The following LDB2 variants were observed in gnomAD, a reference collection of about 807,000 sequenced individuals.
LDB2 encodes the protein LIM domain binding 2, also known as LIM domain-binding protein 2.
In LDB2, 12 loss-of-function variants were observed where a neutral mutation model predicts 44.3. That is an observed-to-expected ratio of 0.27 (90% CI 0.17 to 0.44). The LOEUF (loss-of-function observed/expected upper bound fraction) is 0.44. LDB2 is among the 20% of genes least tolerant of loss of function. The probability of loss-of-function intolerance (pLI) is 1.00; values close to 1 mark genes in which losing one functional copy is unlikely to be tolerated. For missense variants in LDB2, 344 were observed against 473.5 expected (o/e 0.73, Z 2.54); for synonymous variants, 164 against 174.8 (o/e 0.94, Z 0.49).
intron 1 of LDB2, among the ~76,000 whole-genome samples, chr4:16,833,623 A>C (rs1580083634): frequency 6.6e-6 from 1 of 150,628 alleles, no homozygotes; most frequent in African/African-American, 2.4e-5. Flanking sequence ...GCTCACTGCA[A>C]CCTCTGCCTC....
chr4:16,576,196 G>T (rs1242462735), intron 5 of LDB2, among the ~76,000 whole-genome samples: 2 of 151,980 alleles, frequency 1.3e-5, no homozygotes, highest in African/African-American at 4.8e-5. Context: ...AAAAACGAGA[G>T]CAAACCAAAT....
intron 1 of LDB2, among the ~76,000 whole-genome samples, chr4:16,767,823 C>T (rs950625235): frequency 3.0e-4 from 46 of 152,322 alleles, no homozygotes; most frequent in African/African-American, 1.1e-3. Context: ...CCTTTTGTCC[C>T]ATCTCACAGG....
At chr4:16,753,118 A>T (rs940275508) in intron 2 of LDB2, among the ~76,000 whole-genome samples, 17 of 152,212 alleles carry the variant, frequency 1.1e-4, no homozygotes, top group African/African-American at 4.1e-4. Context: ...TGTGCTGCAG[A>T]GCACATTCTT....
chr4:16,510,306 T>TAAAG (rs1331848832), intron 6 of LDB2, among the ~76,000 whole-genome samples: 2 of 152,174 alleles, frequency 1.3e-5, no homozygotes, highest in African/African-American at 2.4e-5. Flanking sequence ...CTCTTATGCT[T>TAAAG]AAAGATTTTC....
chr4:16,594,254 T>A (rs923529931), intron 3 of LDB2, among the ~76,000 whole-genome samples: 1 of 152,142 alleles, frequency 6.6e-6, no homozygotes, highest in Non-Finnish European at 1.5e-5. Context: ...AATGAATGGC[T>A]TGCAAAATGA....
intron 5 of LDB2, among the ~76,000 whole-genome samples, chr4:16,570,033 T>G (rs761881602): frequency 2.0e-5 from 3 of 152,188 alleles, no homozygotes; most frequent in Non-Finnish European, 4.4e-5. Context: ...CCAAAGTGTT[T>G]GCTTTTTAAC....
intron 2 of LDB2, among the ~76,000 whole-genome samples, chr4:16,680,421 A>G (rs1256262245): frequency 6.6e-6 from 1 of 152,200 alleles, no homozygotes; most frequent in Non-Finnish European, 1.5e-5. Context: ...CAAAGAGCAT[A>G]AGTGCTTGCC....
intron 2 of LDB2, among the ~76,000 whole-genome samples, chr4:16,639,998 G>T (rs556056818): frequency 3.3e-5 from 5 of 152,320 alleles, no homozygotes; most frequent in African/African-American, 7.2e-5. Flanking sequence ...CACCAGTGAA[G>T]TTAGCTAATT....
intron 1 of LDB2, among the ~76,000 whole-genome samples, chr4:16,827,826 G>A (rs925586491): frequency 1.3e-5 from 2 of 152,206 alleles, no homozygotes; most frequent in Admixed American, 6.5e-5. Context: ...AGAGTGGCCA[G>A]TACCTGGGCC....
At chr4:16,612,746 GATTCACA>G (rs1353425178) in intron 2 of LDB2, among the ~76,000 whole-genome samples, 1 of 152,166 alleles carries the variant, frequency 6.6e-6, no homozygotes, top group Non-Finnish European at 1.5e-5. Flanking sequence ...GGACCGGACG[GATTCACA>G]GCTGAATTGT....
rs181135601 is a variant in LDB2, at chr4:16,787,664, G to A, written c.133-28404C>T. On this transcript the variant is annotated intron_variant, in intron 1 of 7. Coordinates refer to ENST00000304523, the MANE Select transcript of LDB2 (RefSeq NM_001290.5). ...AAGATGAACTATAAGCAAAACATAG[G>A]GTGTTACAACAGCATATTAGGGGGC... Among the ~76,000 whole-genome samples the A allele has an allele frequency of 2.3e-3, 350 of 152,080 alleles. 1 individual carries two copies. Among genetic ancestry groups the A allele is most frequent in the Admixed American group, 2.6e-3 (39 of 15,268 alleles).
At chr4:16,680,390 G>A (rs542222084) in intron 2 of LDB2, among the ~76,000 whole-genome samples, 1 of 152,266 alleles carries the variant, frequency 6.6e-6, no homozygotes, top group South Asian at 2.1e-4. Flanking sequence ...TTTACCAACT[G>A]CATCTCAAGA....
chr4:16,529,812 C>G (rs73234782), intron 5 of LDB2, among the ~76,000 whole-genome samples: 5,704 of 152,302 alleles, frequency 0.037, 137 homozygotes, highest in Non-Finnish European at 0.058. Context: ...CTTCAGCCTC[C>G]ACTTTTTTTG....
chr4:16,864,111 A>G (rs538286259), intron 1 of LDB2, among the ~76,000 whole-genome samples: 55 of 152,244 alleles, frequency 3.6e-4, no homozygotes, highest in African/African-American at 1.3e-3. Flanking sequence ...AGAGAGAGGG[A>G]GAGAGAGAAA....
At chr4:16,558,162 T>G (rs540583941) in intron 5 of LDB2, among the ~76,000 whole-genome samples, 4 of 152,040 alleles carry the variant, frequency 2.6e-5, no homozygotes, top group Admixed American at 6.6e-5. Flanking sequence ...AGAGCGTCCC[T>G]CCAAAGGAAC....
At chr4:16,797,698 G>T (rs890945491) in intron 1 of LDB2, among the ~76,000 whole-genome samples, 1 of 151,846 alleles carries the variant, frequency 6.6e-6, no homozygotes, top group African/African-American at 2.4e-5. Flanking sequence ...ACTTTATCCC[G>T]TGAGCCAGAC....
At chr4:16,751,347 T>C (rs1012005839) in intron 2 of LDB2, among the ~76,000 whole-genome samples, 1 of 152,238 alleles carries the variant, frequency 6.6e-6, no homozygotes, top group African/African-American at 2.4e-5. Context: ...TGTACCGCAC[T>C]TTAAATTCAT....
At chr4:16,744,968 T>TCA (rs1764096409) in intron 2 of LDB2, among the ~76,000 whole-genome samples, 1 of 152,206 alleles carries the variant, frequency 6.6e-6, no homozygotes, top group African/African-American at 2.4e-5. Flanking sequence ...TGTATGTTAC[T>TCA]CACAAATACT....
chr4:16,501,769 A>G lies in LDB2; in HGVS notation c.*874T>C, dbSNP rs1717589452. 6.6e-6 allele frequency: 1 copy of G among 152,656 alleles called. No individual in the cohort carries two copies. Among genetic ancestry groups the G allele is most frequent in the Admixed American group, 6.5e-5 (1 of 15,286 alleles). The allele number at this position is 152,656 out of a possible 1,614,324, so 9.5% of individuals were successfully genotyped here. On this transcript the variant is annotated 3_prime_UTR_variant, in exon 8 of 8. Coordinates refer to ENST00000304523, the MANE Select transcript of LDB2 (RefSeq NM_001290.5). ...CCAGGTGAGAGCTTTACAAAATATCATACAAGAAATATACTATAAAAAGAA... is the reference window on the plus strand; with the variant it reads ...CCAGGTGAGAGCTTTACAAAATATCGTACAAGAAATATACTATAAAAAGAA...
Sources: gnomAD v4.1 joint callset for allele counts (sites outside exome capture counted in the v4.1 genomes callset) on GRCh38, gnomAD v4.1.1 for gene constraint, MANE v1.5 for transcripts, NCBI Gene and HGNC (gene_info 2026-07-23, HGNC 2026-07-21) for gene names.